VWDE: variants seen among roughly 807,000 people sequenced by gnomAD.
The protein encoded by VWDE is von Willebrand factor D and EGF domains, also known as von Willebrand factor D and EGF domain-containing protein.
Under a neutral mutation model 178.4 loss-of-function variants are expected in VWDE, and 207 were observed. That is an observed-to-expected ratio of 1.16 (90% CI 1.04 to 1.30). VWDE has a LOEUF of 1.30. VWDE is among the 50% of genes most tolerant of loss of function. VWDE has a pLI of 0.00. For synonymous variants in VWDE, 738 were observed against 651.4 expected (o/e 1.13, Z -2.02); for missense variants, 2,287 against 1,901.3 (o/e 1.20, Z -3.77).
chr7:12,389,416 T>C (rs1411605411), intron 2 of VWDE, 58 bp from the exon 3 acceptor site: 2 of 1,232,670 alleles, frequency 1.6e-6, no homozygotes, highest in Non-Finnish European at 1.1e-6. Context: ...CCATTGTAGA[T>C]ATATCAACTT....
chr7:12,380,660 C>T lies in VWDE; in HGVS notation c.615G>A (p.Arg205=). The T allele has an allele frequency of 6.4e-7, 1 of 1,552,086 alleles. No individual in the cohort carries two copies. Among genetic ancestry groups the T allele is most frequent in the Non-Finnish European group, 8.7e-7 (1 of 1,147,084 alleles). The change falls in exon 5 of 29, where the codon AGG becomes AGA. Residue 205 remains arginine, a synonymous_variant. Transcript: ENST00000275358. ...PEVLVELIES[R]LFCRCSFDVP... ...CATCAAAAGAACACCTACAGAAAAG[C>T]CTGGACTCAATCAACTCCACCAGAA...
chr7:12,342,989 C>T (rs946793393), intron 22 of VWDE, 94 bp downstream of exon 22: 8 of 864,722 alleles, frequency 9.3e-6, no homozygotes, highest in East Asian at 8.8e-5. Context: ...GTGTTCTTTA[C>T]GTAGAGTTTG....
At chr7:12,363,118 A>G (rs2128553799) in intron 13 of VWDE, among the ~76,000 whole-genome samples, 1 of 152,268 alleles carries the variant, frequency 6.6e-6, no homozygotes, top group East Asian at 1.9e-4. Flanking sequence ...TAATTGTATT[A>G]TTGCATTAAA....
chr7:12,342,005 T>G (rs1031828253), intron 23 of VWDE, 54 bp downstream of exon 23: 4 of 1,397,682 alleles, frequency 2.9e-6, no homozygotes, highest in Non-Finnish European at 4.0e-6. Context: ...TTCAGGACAT[T>G]GGCATATTTT....
intron 4 of VWDE, among the ~76,000 whole-genome samples, chr7:12,381,006 A>C (rs965691727): frequency 6.6e-6 from 1 of 152,212 alleles, no homozygotes; most frequent in African/African-American, 2.4e-5. Context: ...TCTTGAAAAG[A>C]AATTTGCATT....
At chr7:12,340,470 T>C (rs1452238493) in intron 23 of VWDE, 53 bp from the exon 24 acceptor site, 7 of 1,378,636 alleles carry the variant, frequency 5.1e-6, no homozygotes, top group Admixed American at 2.2e-5. Flanking sequence ...ATTTAAAAAA[T>C]GAAAGCTGCA....
chr7:12,336,979 T>G lies in VWDE; in HGVS notation c.4558+9A>C. On this transcript the variant is annotated intron_variant, in intron 26 of 28. Coordinates refer to ENST00000275358, the MANE Select transcript of VWDE (RefSeq NM_001135924.3). Reference sequence around the variant, plus strand: ...GAAAGCTTCAGTGTTTTAAGAGTATTCCTCTTACGTGTGTTGCATCGTTTC... The same window carrying G: ...GAAAGCTTCAGTGTTTTAAGAGTATGCCTCTTACGTGTGTTGCATCGTTTC... 1.3e-6 allele frequency: 2 copies of G among 1,546,856 alleles called. No homozygotes were observed. The highest frequency in any genetic ancestry group is 8.7e-7 in the Non-Finnish European group (1 of 1,144,762).
Position 12,393,620 on chromosome 7 carries a change from C to T in VWDE, c.217G>A (p.Ala73Thr). 1 of 1,549,534 alleles carries T rather than the reference C, an allele frequency of 6.5e-7. No homozygotes were observed. The highest frequency in any genetic ancestry group is 8.7e-7 in the Non-Finnish European group (1 of 1,145,916). Residue 73 changes from alanine (A) to threonine (T), a missense_variant, in exon 2 of 29, where the codon GCC (alanine) becomes ACC (threonine). Ala to Thr is a moderately conservative substitution (Grantham distance 58). Coordinates refer to ENST00000275358, the MANE Select transcript of VWDE (RefSeq NM_001135924.3). Reference sequence around the variant, plus strand: ...TCAACACATTTGGTTGGCATCTCGGCAGGTCTGTCAAGGATGAGAAATCTA... The same window carrying T: ...TCAACACATTTGGTTGGCATCTCGGTAGGTCTGTCAAGGATGAGAAATCTA... ...WYRFLILDRP[A>T]EMPTKCVEMN...
In VWDE at chr7:12,389,205, C is replaced by G. The variant is rs767533813; in HGVS notation, c.397G>C (p.Val133Leu). The change falls in exon 3 of 29, where the codon GTG becomes CTG. Residue 133 changes from valine to leucine, a missense_variant. By Grantham distance (32) the Val-to-Leu change is conservative (BLOSUM62 1). Coordinates refer to ENST00000275358, the MANE Select transcript of VWDE (RefSeq NM_001135924.3). ...AAGTTCCCACAGTTTCTTACAGACACTGGGATTTGAAAGAGACAGCAGTCT... is the reference window on the plus strand; with the variant it reads ...AAGTTCCCACAGTTTCTTACAGACAGTGGGATTTGAAAGAGACAGCAGTCT... ...TKDCCLFQIP[V>L]SVRNCGNFSV... 7.1e-6 allele frequency: 11 copies of G among 1,551,822 alleles called. No individual in the cohort carries two copies. In the South Asian group the frequency reaches 1.1e-4, roughly 15 times the overall value.
At chr7:12,335,378 G>A (rs1011812) in intron 27 of VWDE, among the ~76,000 whole-genome samples, 98,829 of 151,954 alleles carry the variant, frequency 0.65, 33,072 homozygotes, top group African/African-American at 0.83. Flanking sequence ...AATACTGGAT[G>A]GAGATATACT....
At chr7:12,393,836 G>A (rs1314426472) in intron 1 of VWDE, 58 bp from the exon 2 acceptor site, 1 of 1,383,476 alleles carries the variant, frequency 7.2e-7, no homozygotes, top group Non-Finnish European at 9.6e-7. Context: ...ACATAGTTCG[G>A]TCCTCAATTA....
In VWDE at chr7:12,359,633, G is replaced by T. The variant is rs1205219285; in HGVS notation, c.3219C>A (p.Ser1073Arg). 1.3e-6 allele frequency: 2 copies of T among 1,550,184 alleles called. No homozygotes were observed. Among genetic ancestry groups the T allele is most frequent in the South Asian group, 1.2e-5 (1 of 83,930 alleles). The stretch of plus-strand genomic sequence containing the variant: ...TTTTGGGTCTACAAATCAAACAAGG[G>T]CTGGTTGGATTTTTGTCTCCTTCAA... Reference protein sequence around the residue: ...CYVEGDKNPTSPCLICRPKIS... With the variant: ...CYVEGDKNPTRPCLICRPKIS... The change falls in exon 16 of 29, where the codon AGC (serine) becomes AGA (arginine). Residue 1073 changes from serine (S) to arginine (R), a missense_variant. Ser to Arg is a moderately radical substitution (Grantham distance 110). Coordinates refer to ENST00000275358, the MANE Select transcript of VWDE (RefSeq NM_001135924.3).
At chr7:12,346,622 CG>C (rs549048666) in intron 19 of VWDE, among the ~76,000 whole-genome samples, 4 of 136,500 alleles carry the variant, frequency 2.9e-5, no homozygotes, top group East Asian at 2.1e-4. Flanking sequence ...TTGGCGGGGG[CG>C]GGGGGGATCA....
In VWDE at chr7:12,356,292, T is replaced by G. The variant is rs1416414482; in HGVS notation, c.3564A>C (p.Ser1188=). 1.3e-6 allele frequency: 2 copies of G among 1,551,544 alleles called. No individual in the cohort carries two copies. The highest frequency in any genetic ancestry group is 1.2e-5 in the South Asian group (1 of 84,044). The change falls in exon 18 of 29, where the codon TCA becomes TCC. Residue 1188 remains serine (S), a synonymous_variant. Transcript: ENST00000275358. ...GAGAAAAGTTCCTATCAGATACACATGATCCACCATTCAAGCAATCACAAG... is the reference window on the plus strand; with the variant it reads ...GAGAAAAGTTCCTATCAGATACACAGGATCCACCATTCAAGCAATCACAAG... ...VKSCDCLNGG[S]CVSDRNFSPG...
Position 12,389,232 on chromosome 7 carries a change from T to C in VWDE, c.370A>G (p.Lys124Glu). The C allele has an allele frequency of 1.3e-6, 2 of 1,551,702 alleles. No homozygotes were observed. Among genetic ancestry groups the C allele is most frequent in the Non-Finnish European group, 1.7e-6 (2 of 1,147,000 alleles). The change falls in exon 3 of 29, where the codon AAA (lysine) becomes GAA (glutamate). Residue 124 changes from lysine (K) to glutamate (E), a missense_variant. Transcript: ENST00000275358. ...GGGATTTGAAAGAGACAGCAGTCTT[T>C]TGTAGTGCTGAACAAAAACTGCCAT... is the stretch of plus-strand genomic sequence containing the variant. ...ATWQFLFSTT[K>E]DCCLFQIPVS...
chr7:12,367,516 A>C, intron 12 of VWDE, 23 bp from the exon 13 acceptor site: 1 of 1,460,678 alleles, frequency 6.8e-7, no homozygotes. Flanking sequence ...AATATAACAA[A>C]TACTACATAT....
chr7:12,394,120 G>A (rs1268003151), intron 1 of VWDE, among the ~76,000 whole-genome samples: 2 of 152,026 alleles, frequency 1.3e-5, no homozygotes, highest in Non-Finnish European at 2.9e-5. Context: ...ATTTCTCTTG[G>A]GCCTGGTCCT....
chr7:12,369,853 C>T lies in VWDE; in HGVS notation c.2453G>A (p.Ser818Asn). Residue 818 changes from serine to asparagine, a missense_variant, in exon 12 of 29, where the codon AGC becomes AAC. Transcript: ENST00000275358. ...TLCQETLANS[S>N]IGRLCLAFLG... ...AAAAGCAAGACACAGCCTTCCTATG[C>T]TGGAGTTGGCTAGAGTCTCCTGACA... is the stretch of plus-strand genomic sequence containing the variant. 2 of 1,551,490 alleles carry T rather than the reference C, an allele frequency of 1.3e-6. No homozygotes were observed. The highest frequency in any genetic ancestry group is 1.7e-6 in the Non-Finnish European group (2 of 1,146,872).
chr7:12,382,200 G>T (rs1465373960), intron 4 of VWDE, among the ~76,000 whole-genome samples: 1 of 151,356 alleles, frequency 6.6e-6, no homozygotes, highest in Non-Finnish European at 1.5e-5. Context: ...TTAATTAATT[G>T]CATAAATGTT....
Sources: allele counts gnomAD v4.1 joint callset (sites outside exome capture counted in the v4.1 genomes callset), GRCh38; gene constraint gnomAD v4.1.1; transcripts MANE v1.5; gene names NCBI Gene and HGNC (gene_info 2026-07-23, HGNC 2026-07-21).